Variants in FMN1 observed in about 807,000 individuals in gnomAD.
FMN1 encodes the protein formin-1.
In FMN1, 110 loss-of-function variants were observed where a neutral mutation model predicts 132.4. The ratio of observed to expected loss-of-function variants is 0.83; its 90% CI spans 0.71 to 0.97. FMN1 has a LOEUF of 0.97. FMN1 is among the 50% of genes least tolerant of loss of function. The probability of loss-of-function intolerance (pLI) is 0.00; values close to 1 mark genes in which losing one functional copy is unlikely to be tolerated. For synonymous variants in FMN1, 722 were observed against 651.7 expected, an observed-to-expected ratio of 1.11 and a Z score of -1.64; for missense variants, 1,792 against 1,705.3, an observed-to-expected ratio of 1.05 and a Z score of -0.90.
chr15:32,798,216 A>ACACACACACC (rs1286307994), intron 19 of FMN1, among the ~76,000 whole-genome samples: 37 of 140,986 alleles, frequency 2.6e-4, no homozygotes, highest in African/African-American at 9.3e-4. Context: ...ACACACACAC[A>ACACACACACC]CCCCGTCTAT....
chr15:32,774,117 T>C lies in FMN1; in HGVS notation c.*193A>G, dbSNP rs544004703. The C allele has an allele frequency of 5.1e-5, 30 of 592,842 alleles. No homozygotes were observed. In the Admixed American group the frequency reaches 9.4e-4, roughly 19 times the overall value. The allele number at this position is 592,842 out of a possible 1,614,324, so 36.7% of individuals were successfully genotyped here. A position where few individuals can be genotyped will look rare whatever the true frequency, so the allele number is the denominator to read the frequency against. ...AATGTTCCCTTAAATAGTTTTCCAT[T>C]GTTCCTGCGGCTTAATGAGGGACTT... On this transcript the variant is annotated 3_prime_UTR_variant, in exon 21 of 21. Transcript: ENST00000616417.
chr15:33,015,005 G>C (rs1013927738), intron 6 of FMN1, among the ~76,000 whole-genome samples: 1 of 152,176 alleles, frequency 6.6e-6, no homozygotes, highest in Non-Finnish European at 1.5e-5. Context: ...AAATTGAAAA[G>C]GTAGACCCTA....
At chr15:33,050,158 G>T (rs1289105081) in intron 6 of FMN1, among the ~76,000 whole-genome samples, 1 of 152,206 alleles carries the variant, frequency 6.6e-6, no homozygotes, top group Non-Finnish European at 1.5e-5. Context: ...ATGTTCAGTA[G>T]GTTAGGCGTA....
At chr15:33,026,212 C>G (rs961644796) in intron 6 of FMN1, among the ~76,000 whole-genome samples, 14 of 149,450 alleles carry the variant, frequency 9.4e-5, no homozygotes, top group Non-Finnish European at 2.1e-4. Flanking sequence ...TTAATCATCT[C>G]TGGGGAAAGA....
intron 16 of FMN1, among the ~76,000 whole-genome samples, chr15:32,878,049 T>C (rs1163510892): frequency 2.0e-5 from 3 of 152,050 alleles, no homozygotes; most frequent in Non-Finnish European, 4.4e-5. Context: ...GAAAGTAATA[T>C]GAAAAACGAA....
intron 19 of FMN1, among the ~76,000 whole-genome samples, chr15:32,787,569 A>C (rs2140924534): frequency 6.6e-6 from 1 of 152,350 alleles, no homozygotes; most frequent in African/African-American, 2.4e-5. Context: ...AAGTTATTCC[A>C]GTTGGGCATG....
At chr15:33,161,091 G>T (rs1295154128) in intron 3 of FMN1, among the ~76,000 whole-genome samples, 1 of 152,220 alleles carries the variant, frequency 6.6e-6, no homozygotes, top group Non-Finnish European at 1.5e-5. Context: ...CCAATGCAAA[G>T]CTTTCTTTGC....
At chr15:33,030,116 C>A (rs546511345) in intron 6 of FMN1, among the ~76,000 whole-genome samples, 1 of 152,346 alleles carries the variant, frequency 6.6e-6, no homozygotes, top group Non-Finnish European at 1.5e-5. Flanking sequence ...TGAGATTGCA[C>A]CACTGCACTC....
rs139128997 is a variant in FMN1 at position 33,112,557 on chromosome 15, T to C, written c.1868-23583A>G. Among the ~76,000 whole-genome samples the C allele has an allele frequency of 3.9e-4, 59 of 152,274 alleles. No individual in the cohort carries two copies. In the East Asian group the frequency reaches 0.01, roughly 27 times the overall value. On this transcript the variant is annotated intron_variant, in intron 4 of 20. Coordinates refer to ENST00000616417, the MANE Select transcript of FMN1 (RefSeq NM_001277313.2). ...ACCTGCAGCAAAGAATTTCAGGCAC[T>C]AGTGCTTAGTTTAACCCCTATCATA...
chr15:33,045,980 T>C (rs1019490032), intron 6 of FMN1, among the ~76,000 whole-genome samples: 1 of 152,242 alleles, frequency 6.6e-6, no homozygotes, highest in Non-Finnish European at 1.5e-5. Context: ...CTGATTTTCT[T>C]GATCTGGCAT....
At position 32,934,598 on chromosome 15, in the gene FMN1, CTTTTT is replaced by C. The variant is rs376553575; in HGVS notation, c.3139-8342_3139-8338del. ...TTGTTTCTGAAAGACAATTTTTTTC[CTTTTT>C]TTTTTTTTTTTTTGGGTGGGGAGGA... is the stretch of plus-strand genomic sequence containing the variant. On this transcript the variant is annotated intron_variant, in intron 9 of 20. Coordinates refer to ENST00000616417, the MANE Select transcript of FMN1 (RefSeq NM_001277313.2). 2.4e-5 allele frequency among the ~76,000 whole-genome samples: 3 copies of C among 127,100 alleles called. 1 individual carries two copies. Among genetic ancestry groups the C allele is most frequent in the Non-Finnish European group, 1.7e-5 (1 of 60,008 alleles). The allele number at this position is 127,100 out of a possible 152,430, so 83.4% of individuals were successfully genotyped here. A position where few individuals can be genotyped will look rare whatever the true frequency, so the allele number is the denominator to read the frequency against.
intron 5 of FMN1, among the ~76,000 whole-genome samples, chr15:33,086,656 G>A (rs1399194943): frequency 2.6e-5 from 4 of 152,104 alleles, no homozygotes; most frequent in Non-Finnish European, 4.4e-5. Context: ...TGCTGTTTGC[G>A]GCAAATGCAA....
chr15:33,075,414 T>C (rs1202838023), intron 5 of FMN1, among the ~76,000 whole-genome samples: 1 of 152,146 alleles, frequency 6.6e-6, no homozygotes, highest in Non-Finnish European at 1.5e-5. Flanking sequence ...GCAGAAGGAC[T>C]ACATACAACA....
chr15:32,884,740 A>G (rs1037334422), intron 16 of FMN1, among the ~76,000 whole-genome samples: 2 of 152,214 alleles, frequency 1.3e-5, no homozygotes, highest in Non-Finnish European at 2.9e-5. Context: ...TATCAGGGAA[A>G]TTGAAATTAT....
intron 17 of FMN1, among the ~76,000 whole-genome samples, chr15:32,852,100 T>A (rs1357897180): frequency 6.6e-6 from 1 of 152,202 alleles, no homozygotes; most frequent in African/African-American, 2.4e-5. Flanking sequence ...TTCATTCCTA[T>A]GACTTGAACC....
At chr15:32,900,251 T>A (rs758355524) in intron 13 of FMN1, 126 bp from the exon 14 acceptor site, 1 of 997,354 alleles carries the variant, frequency 1.0e-6, no homozygotes, top group South Asian at 1.3e-5. Context: ...AATTAACAGT[T>A]GCTGAAATGA....
At chr15:33,087,248 A>G (rs542814872) in intron 5 of FMN1, among the ~76,000 whole-genome samples, 1 of 152,206 alleles carries the variant, frequency 6.6e-6, no homozygotes, top group Admixed American at 6.5e-5. Flanking sequence ...ACAAGAATGA[A>G]TAAGAAAGGA....
At chr15:32,933,764 T>C (rs1326176316) in intron 9 of FMN1, among the ~76,000 whole-genome samples, 4 of 152,190 alleles carry the variant, frequency 2.6e-5, no homozygotes, top group Admixed American at 2.0e-4. Flanking sequence ...ATGGCCACCC[T>C]GCTGTCTTTT....
rs537541402 is a variant in FMN1 at position 33,050,369 on chromosome 15, T to G, written c.2161+14588A>C. On this transcript the variant is annotated intron_variant, in intron 6 of 20. Transcript: ENST00000616417. The stretch of plus-strand genomic sequence containing the variant: ...GTCATGGCAAGTTAGAGCCTAAGAT[T>G]CCAATACATACAATGATAAAAGGAT... Among the ~76,000 whole-genome samples the G allele has an allele frequency of 2.0e-5, 3 of 152,048 alleles. No individual in the cohort carries two copies. In the South Asian group the frequency reaches 6.2e-4, roughly 32 times the overall value.
Sources: allele counts gnomAD v4.1 joint callset (sites outside exome capture counted in the v4.1 genomes callset), GRCh38; gene constraint gnomAD v4.1.1; transcripts MANE v1.5; gene names NCBI Gene and HGNC (gene_info 2026-07-23, HGNC 2026-07-21).